NALCN: variants seen among roughly 807,000 people sequenced by gnomAD.
NALCN encodes sodium leak channel, non-selective, also known as sodium leak channel NALCN.
A neutral mutation model predicts 225.3 loss-of-function variants in NALCN; 111 were observed. The observed-to-expected ratio is 0.49, with a 90% CI of 0.42 to 0.58. NALCN has a LOEUF of 0.58. NALCN is among the 20% of genes least tolerant of loss of function. The pLI, the probability that NALCN is intolerant of heterozygous loss-of-function variation, is 0.00. For missense variants in NALCN, 1,378 were observed against 2,202.4 expected (o/e 0.63, Z 7.49); for synonymous variants, 764 against 769.0 (o/e 0.99, Z 0.11).
At chr13:101,178,945 A>G (rs1405158336) in intron 14 of NALCN, among the ~76,000 whole-genome samples, 2 of 152,104 alleles carry the variant, frequency 1.3e-5, no homozygotes, top group African/African-American at 4.8e-5. Flanking sequence ...ACCTTTAAGG[A>G]GAGGTTTCGT....
chr13:101,302,936 C>G (rs905626645), intron 7 of NALCN, among the ~76,000 whole-genome samples: 4 of 151,706 alleles, frequency 2.6e-5, no homozygotes, highest in Non-Finnish European at 5.9e-5. Flanking sequence ...AAAGGTTAAA[C>G]TAAAATTAAA....
At chr13:101,167,618 C>T (rs1193130142) in intron 15 of NALCN, among the ~76,000 whole-genome samples, 4 of 150,144 alleles carry the variant, frequency 2.7e-5, no homozygotes, top group South Asian at 2.2e-4. Context: ...AGGTGAGTCA[C>T]TTGAGGTCAG....
intron 22 of NALCN, among the ~76,000 whole-genome samples, chr13:101,106,592 G>A (rs998772022): frequency 6.6e-6 from 1 of 152,114 alleles, no homozygotes; most frequent in African/African-American, 2.4e-5. Flanking sequence ...CATGTTGTAG[G>A]AGGGACCCAG....
At chr13:101,174,426 G>C (rs542402587) in intron 15 of NALCN, among the ~76,000 whole-genome samples, 129 of 152,106 alleles carry the variant, frequency 8.5e-4, no homozygotes, top group African/African-American at 2.9e-3. Context: ...AAAGTGAAGG[G>C]CCATATAGTT....
intron 7 of NALCN, among the ~76,000 whole-genome samples, chr13:101,310,820 T>A (rs2139141938): frequency 6.6e-6 from 1 of 152,010 alleles, no homozygotes; most frequent in South Asian, 2.1e-4. Context: ...GATAGAAAAA[T>A]AGTAAAGAAA....
At chr13:101,265,089 G>C (rs2042554062) in intron 10 of NALCN, among the ~76,000 whole-genome samples, 1 of 152,156 alleles carries the variant, frequency 6.6e-6, no homozygotes, top group African/African-American at 2.4e-5. Flanking sequence ...AGTTCTAAGA[G>C]AATACATGTG....
chr13:101,414,105 G>A (rs1006609566), intron 1 of NALCN, among the ~76,000 whole-genome samples: 1 of 150,320 alleles, frequency 6.7e-6, no homozygotes, highest in Non-Finnish European at 1.5e-5. Flanking sequence ...AGGCTGGTCT[G>A]GACTCTTGGG....
At chr13:101,172,662 C>T (rs2038782100) in intron 15 of NALCN, among the ~76,000 whole-genome samples, 1 of 152,168 alleles carries the variant, frequency 6.6e-6, no homozygotes, top group African/African-American at 2.4e-5. Flanking sequence ...CGGGTTTACG[C>T]CATTCTCCTG....
At chr13:101,208,587 T>C (rs2040409713) in intron 13 of NALCN, among the ~76,000 whole-genome samples, 2 of 152,246 alleles carry the variant, frequency 1.3e-5, no homozygotes, top group Non-Finnish European at 2.9e-5. Flanking sequence ...ATGTGTGTCC[T>C]TTCCAAATCC....
Position 101,059,890 on chromosome 13 carries a change from C to A in NALCN, c.4833G>T (p.Pro1611=), listed in dbSNP as rs748544348. 2 of 1,613,980 alleles carry A rather than the reference C, an allele frequency of 1.2e-6. No individual in the cohort carries two copies. Among genetic ancestry groups the A allele is most frequent in the Non-Finnish European group, 1.7e-6 (2 of 1,180,000 alleles). ...TGGGCTGGGTGGTCTCGATGCTGGG[C>A]GGGTTCAGAAACCGGCTCAGCTCTT... ...QQQELSRFLN[P]PSIETTQPSE... is the part of the protein sequence containing the mutation. Residue 1611 remains proline, a synonymous_variant, in exon 42 of 44, where the codon CCG becomes CCT. Transcript: ENST00000251127.
intron 7 of NALCN, among the ~76,000 whole-genome samples, chr13:101,303,341 T>C (rs2044039283): frequency 6.6e-6 from 1 of 152,174 alleles, no homozygotes; most frequent in Admixed American, 6.5e-5. Flanking sequence ...CTGGTCACAA[T>C]TTGGCTTATG....
intron 3 of NALCN, among the ~76,000 whole-genome samples, chr13:101,390,261 G>T (rs1457477418): frequency 6.6e-6 from 1 of 151,776 alleles, no homozygotes; most frequent in Non-Finnish European, 1.5e-5. Flanking sequence ...ATGTCTAAAT[G>T]ATAAGAGACT....
At chr13:101,278,202 T>C (rs192754144) in intron 10 of NALCN, among the ~76,000 whole-genome samples, 152 of 152,290 alleles carry the variant, frequency 1.0e-3, no homozygotes, top group Admixed American at 1.6e-3. Context: ...TTCATTCCAA[T>C]AAACTCTGTT....
At position 101,089,251 on chromosome 13, in the gene NALCN, T is replaced by A. The variant is rs1427161380; in HGVS notation, c.3489+412A>T. ...TTTTGAAATTTCTACCAGACTCCCC[T>A]CACCCCCATCAAAATCCTGAGTTCA... On this transcript the variant is annotated intron_variant, in intron 30 of 43. Coordinates refer to ENST00000251127, the MANE Select transcript of NALCN (RefSeq NM_052867.4). This position sits in a 1 kb window ranked among gnomAD's most constrained non-coding sequence, Gnocchi z 4.7. 6.6e-6 allele frequency among the ~76,000 whole-genome samples: 1 copy of A among 152,196 alleles called. No individual in the cohort carries two copies. Among genetic ancestry groups the A allele is most frequent in the Non-Finnish European group, 1.5e-5 (1 of 68,028 alleles).
intron 10 of NALCN, among the ~76,000 whole-genome samples, chr13:101,272,795 C>A (rs112564944): frequency 6.6e-6 from 1 of 152,244 alleles, no homozygotes; most frequent in African/African-American, 2.4e-5. Flanking sequence ...TCCATCAATT[C>A]TTGAAATGAT....
At position 101,223,991 on chromosome 13, in the gene NALCN, C is replaced by T. The variant is rs980740744; in HGVS notation, c.1626+5402G>A. On this transcript the variant is annotated intron_variant, in intron 13 of 43. Coordinates refer to ENST00000251127, the MANE Select transcript of NALCN (RefSeq NM_052867.4). ...AGATCCCAGTCCTAGCCCCAATTCC[C>T]TCCTTACACCTAAATGGAAAGGACC... 3.3e-5 allele frequency among the ~76,000 whole-genome samples: 5 copies of T among 152,278 alleles called. No individual in the cohort carries two copies. The East Asian group carries it at 7.7e-4, about 24-fold the overall frequency.
intron 15 of NALCN, among the ~76,000 whole-genome samples, chr13:101,168,770 A>T (rs2038574011): frequency 6.6e-6 from 1 of 152,200 alleles, no homozygotes; most frequent in Non-Finnish European, 1.5e-5. Context: ...GTGCTGCTCA[A>T]GCATTTCCTG....
intron 11 of NALCN, among the ~76,000 whole-genome samples, chr13:101,248,455 A>T (rs769399828): frequency 4.6e-5 from 7 of 152,102 alleles, no homozygotes; most frequent in Non-Finnish European, 7.4e-5. Context: ...GCCAATTGAT[A>T]GGTATCTTTG....
chr13:101,324,456 G>A (rs526383), intron 7 of NALCN, among the ~76,000 whole-genome samples: 2 of 151,950 alleles, frequency 1.3e-5, no homozygotes, highest in Admixed American at 1.3e-4. Flanking sequence ...AACAATTGTC[G>A]AGCAGTGGTT....
Sources: gnomAD v4.1 joint callset for allele counts (sites outside exome capture counted in the v4.1 genomes callset) on GRCh38, gnomAD v4.1.1 for gene constraint, Gnocchi (gnomAD v3.1) non-coding constraint, MANE v1.5 for transcripts, NCBI Gene and HGNC (gene_info 2026-07-23, HGNC 2026-07-21) for gene names.